Variants in SLC30A8 observed in about 807,000 individuals in gnomAD.
SLC30A8 encodes the protein proton-coupled zinc antiporter SLC30A8.
Under a neutral mutation model 36.9 loss-of-function variants are expected in SLC30A8, and 27 were observed. The ratio of observed to expected loss-of-function variants is 0.73; its 90% CI spans 0.54 to 1.01. SLC30A8 has a LOEUF of 1.01. SLC30A8 is among the 50% of genes least tolerant of loss of function. SLC30A8 has a pLI of 0.00. For missense variants in SLC30A8, 439 were observed against 452.0 expected (o/e 0.97, Z 0.26); for synonymous variants, 164 against 172.4 (o/e 0.95, Z 0.38).
At chr8:116,987,664 T>A (rs1317856703) in intron 1 of SLC30A8, among the ~76,000 whole-genome samples, 3 of 151,954 alleles carry the variant, frequency 2.0e-5, no homozygotes, top group Non-Finnish European at 4.4e-5. Flanking sequence ...CTAGGTGAAG[T>A]GTGTCCTTAA....
chr8:117,019,653 C>T (rs1442022015), intron 1 of SLC30A8, among the ~76,000 whole-genome samples: 1 of 152,254 alleles, frequency 6.6e-6, no homozygotes, highest in East Asian at 1.9e-4. Flanking sequence ...AATCCCAGCA[C>T]CTAGCTCAGG....
chr8:117,116,246 A>C (rs1820440110), intron 2 of SLC30A8, among the ~76,000 whole-genome samples: 1 of 152,020 alleles, frequency 6.6e-6, no homozygotes, highest in African/African-American at 2.4e-5. Context: ...ATGGGATGGC[A>C]CTGGAGGGCT....
At chr8:117,114,459 A>G (rs182773399) in intron 2 of SLC30A8, among the ~76,000 whole-genome samples, 6 of 152,234 alleles carry the variant, frequency 3.9e-5, no homozygotes, top group Admixed American at 3.9e-4. Flanking sequence ...TGGAGAAATT[A>G]AGTTTTCTTA....
chr8:116,953,335 C>G (rs1814065470), intron 1 of SLC30A8, among the ~76,000 whole-genome samples: 1 of 152,044 alleles, frequency 6.6e-6, no homozygotes, highest in Admixed American at 6.6e-5. Context: ...CTTATGCTTT[C>G]TCTTCCTAAT....
chr8:116,972,821 A>G (rs1421204894), intron 1 of SLC30A8, among the ~76,000 whole-genome samples: 1 of 152,168 alleles, frequency 6.6e-6, no homozygotes, highest in East Asian at 1.9e-4. Context: ...ATTGTTCACA[A>G]TTTCAAGTCC....
At chr8:117,002,828 C>G (rs1002811654) in intron 1 of SLC30A8, among the ~76,000 whole-genome samples, 1 of 152,188 alleles carries the variant, frequency 6.6e-6, no homozygotes, top group Non-Finnish European at 1.5e-5. Context: ...TGGTCTCGAT[C>G]TCTTGACCTC....
chr8:117,124,808 G>A (rs975294073), intron 2 of SLC30A8, among the ~76,000 whole-genome samples: 1 of 151,468 alleles, frequency 6.6e-6, no homozygotes, highest in Non-Finnish European at 1.5e-5. Flanking sequence ...ATGGGGGAGG[G>A]TGTGGGCTCC....
At chr8:116,995,610 A>G (rs1429016142) in intron 1 of SLC30A8, among the ~76,000 whole-genome samples, 1 of 152,052 alleles carries the variant, frequency 6.6e-6, no homozygotes, top group South Asian at 2.1e-4. Flanking sequence ...ACAGAGCCCA[A>G]AGGGGAGGCA....
At chr8:117,073,099 A>G (rs190852123) in intron 2 of SLC30A8, among the ~76,000 whole-genome samples, 75 of 152,240 alleles carry the variant, frequency 4.9e-4, no homozygotes, top group African/African-American at 1.5e-3. Flanking sequence ...CTGCATTTCC[A>G]TAGCCACCAT....
At chr8:117,065,577 C>T (rs1307904842) in intron 2 of SLC30A8, among the ~76,000 whole-genome samples, 1 of 151,952 alleles carries the variant, frequency 6.6e-6, no homozygotes, top group East Asian at 1.9e-4. Context: ...GTATCATCTG[C>T]TCTTCCCTAA....
chr8:117,005,378 T>C (rs928661561), intron 1 of SLC30A8, among the ~76,000 whole-genome samples: 3 of 152,242 alleles, frequency 2.0e-5, no homozygotes, highest in Non-Finnish European at 4.4e-5. Context: ...TCAAGGTTCA[T>C]CCATGTTGTA....
Position 117,106,030 on chromosome 8 carries a change from G to A in SLC30A8, c.-225-29250G>A, listed in dbSNP as rs572850338. Among the ~76,000 whole-genome samples the A allele has an allele frequency of 3.9e-5, 6 of 152,022 alleles. No homozygotes were observed. The South Asian group carries it at 8.3e-4, about 21-fold the overall frequency. ...ACTTTTTTTTCAGTTGCAGCTCTTCGTTGGACTGGTGATAGTATTGGCTTT... is the reference window on the plus strand; with the variant it reads ...ACTTTTTTTTCAGTTGCAGCTCTTCATTGGACTGGTGATAGTATTGGCTTT... On this transcript the variant is annotated intron_variant, in intron 2 of 10. Transcript: ENST00000427715.
At chr8:117,157,545 CCA>C in intron 3 of SLC30A8, 144 bp from the exon 4 acceptor site, 1 of 810,498 alleles carries the variant, frequency 1.2e-6, no homozygotes, top group Non-Finnish European at 1.9e-6. Flanking sequence ...TAAAATCCAT[CCA>C]CACTTTTACT....
chr8:116,972,922 G>A (rs1036526967), intron 1 of SLC30A8, among the ~76,000 whole-genome samples: 2 of 152,160 alleles, frequency 1.3e-5, no homozygotes, highest in African/African-American at 2.4e-5. Context: ...TTCTGCTACT[G>A]TCTGAATGTT....
At chr8:117,027,171 C>T (rs1283789521) in intron 1 of SLC30A8, among the ~76,000 whole-genome samples, 1 of 152,092 alleles carries the variant, frequency 6.6e-6, no homozygotes, top group South Asian at 2.1e-4. Flanking sequence ...ACTGAAAGGG[C>T]ATGTGTTTGG....
intron 1 of SLC30A8, among the ~76,000 whole-genome samples, chr8:117,005,004 A>G (rs893907636): frequency 2.6e-5 from 4 of 152,172 alleles, no homozygotes; most frequent in African/African-American, 9.7e-5. Context: ...ATTAATATAT[A>G]ACTCACATAT....
At chr8:117,040,910 T>A (rs542178381) in intron 2 of SLC30A8, among the ~76,000 whole-genome samples, 1 of 152,192 alleles carries the variant, frequency 6.6e-6, no homozygotes, top group Non-Finnish European at 1.5e-5. Context: ...AAGAGACATA[T>A]ATGCACGTGA....
At chr8:117,142,544 G>A (rs939169724) in intron 1 of SLC30A8, among the ~76,000 whole-genome samples, 3 of 151,812 alleles carry the variant, frequency 2.0e-5, no homozygotes, top group Admixed American at 6.6e-5. Context: ...CTTTCTTTAC[G>A]CCACAGGGGA....
intron 1 of SLC30A8, among the ~76,000 whole-genome samples, chr8:116,971,096 A>G (rs1814781047): frequency 6.6e-6 from 1 of 152,176 alleles, no homozygotes; most frequent in South Asian, 2.1e-4. Flanking sequence ...TCTGTCTCAC[A>G]ATAACAACAA....
Sources: gnomAD v4.1 joint callset for allele counts (sites outside exome capture counted in the v4.1 genomes callset) on GRCh38, gnomAD v4.1.1 for gene constraint, MANE v1.5 for transcripts, NCBI Gene and HGNC (gene_info 2026-07-23, HGNC 2026-07-21) for gene names.